NALF1: variants seen among roughly 807,000 people sequenced by gnomAD.
The protein encoded by NALF1 is family with sequence similarity 155 member A.
In NALF1, 3 loss-of-function variants were observed where a neutral mutation model predicts 48.4. The ratio of observed to expected loss-of-function variants is 0.06; its 90% CI spans 0.03 to 0.16. NALF1 has a LOEUF of 0.16. Among genes scored for constraint, NALF1 ranks in the 10% least tolerant of loss-of-function variants. The probability of loss-of-function intolerance (pLI) is 1.00; values close to 1 mark genes in which losing one functional copy is unlikely to be tolerated. For missense variants in NALF1, 526 were observed against 571.5 expected (o/e 0.92, Z 0.81); for synonymous variants, 262 against 245.7 (o/e 1.07, Z -0.62).
intron 1 of NALF1, among the ~76,000 whole-genome samples, chr13:107,761,968 G>A (rs1393389693): frequency 6.6e-6 from 1 of 152,172 alleles, no homozygotes; most frequent in Non-Finnish European, 1.5e-5. Context: ...GTAAATGTCA[G>A]TGATGGCTGC....
chr13:107,319,526 T>C (rs1274869847), intron 1 of NALF1, among the ~76,000 whole-genome samples: 1 of 152,034 alleles, frequency 6.6e-6, no homozygotes, highest in Non-Finnish European at 1.5e-5. Context: ...TAATTAGATA[T>C]GAGAAGAAAG....
chr13:107,818,132 G>C (rs1212021446), intron 1 of NALF1, among the ~76,000 whole-genome samples: 1 of 152,082 alleles, frequency 6.6e-6, no homozygotes, highest in African/African-American at 2.4e-5. Flanking sequence ...GCATCGGAGG[G>C]ACATCAACAA....
Position 107,198,064 on chromosome 13 carries a change from A to G in NALF1, c.1087+12520T>C, listed in dbSNP as rs577442160. Reference sequence around the variant, plus strand: ...CTTTCAAATGGAAGAAAATTTTCCTAGAGATAGAAAGTTTATCTGGCTAGT... The same window carrying G: ...CTTTCAAATGGAAGAAAATTTTCCTGGAGATAGAAAGTTTATCTGGCTAGT... On this transcript the variant is annotated intron_variant, in intron 2 of 2. Transcript: ENST00000375915. Among the ~76,000 whole-genome samples, 4 of 152,338 alleles carry G rather than the reference A, an allele frequency of 2.6e-5. No individual in the cohort carries two copies. In the South Asian group the frequency reaches 6.2e-4, roughly 24 times the overall value.
intron 1 of NALF1, among the ~76,000 whole-genome samples, chr13:107,587,581 CTCTTA>C (rs1482854345): frequency 6.6e-6 from 1 of 151,994 alleles, no homozygotes; most frequent in African/African-American, 2.4e-5. Flanking sequence ...TAAAAACGCA[CTCTTA>C]TAAGTGAGTC....
intron 1 of NALF1, among the ~76,000 whole-genome samples, chr13:107,385,926 C>T (rs1320878957): frequency 2.6e-5 from 4 of 152,014 alleles, no homozygotes; most frequent in Non-Finnish European, 2.9e-5. Flanking sequence ...AAAATAATAC[C>T]TCTTGGAAGA....
At chr13:107,346,810 C>G (rs952677258) in intron 1 of NALF1, among the ~76,000 whole-genome samples, 2 of 152,034 alleles carry the variant, frequency 1.3e-5, no homozygotes, top group Non-Finnish European at 2.9e-5. Context: ...TTACCCACAG[C>G]CACATGAGGA....
chr13:107,825,622 T>C (rs1213210029), intron 1 of NALF1, among the ~76,000 whole-genome samples: 5 of 152,212 alleles, frequency 3.3e-5, no homozygotes, highest in Non-Finnish European at 5.9e-5. Flanking sequence ...TAAATTCCTG[T>C]ACTTGTAGAA....
chr13:107,630,961 G>A (rs1318180522), intron 1 of NALF1, among the ~76,000 whole-genome samples: 2 of 151,992 alleles, frequency 1.3e-5, no homozygotes, highest in Non-Finnish European at 2.9e-5. Context: ...ATTCTCTTAT[G>A]TTGGAAAAAT....
At chr13:107,208,957 C>T (rs1006656910) in intron 2 of NALF1, among the ~76,000 whole-genome samples, 1 of 152,184 alleles carries the variant, frequency 6.6e-6, no homozygotes, top group African/African-American at 2.4e-5. Flanking sequence ...GAATAACACA[C>T]AGGCCTGTGA....
chr13:107,720,383 C>T (rs555401779), intron 1 of NALF1, among the ~76,000 whole-genome samples: 6 of 152,146 alleles, frequency 3.9e-5, no homozygotes, highest in South Asian at 2.1e-4. Flanking sequence ...CGGTGGCGCA[C>T]ACCTGTAGTC....
intron 1 of NALF1, among the ~76,000 whole-genome samples, chr13:107,755,910 C>T (rs1877080013): frequency 6.6e-6 from 1 of 152,114 alleles, no homozygotes; most frequent in African/African-American, 2.4e-5. Flanking sequence ...AATCTTATGG[C>T]AGTCCTTTAG....
At chr13:107,287,291 T>C (rs945557693) in intron 1 of NALF1, among the ~76,000 whole-genome samples, 2 of 152,212 alleles carry the variant, frequency 1.3e-5, no homozygotes, top group Non-Finnish European at 2.9e-5. Flanking sequence ...ATCACAAGCA[T>C]ATACAATGCC....
intron 1 of NALF1, among the ~76,000 whole-genome samples, chr13:107,687,470 A>G (rs1379766436): frequency 6.9e-6 from 1 of 145,160 alleles, no homozygotes; most frequent in East Asian, 2.0e-4. Context: ...AAAAGAAAAA[A>G]AAAAAAAGAA....
chr13:107,355,982 C>G (rs1376393396), intron 1 of NALF1, among the ~76,000 whole-genome samples: 2 of 152,128 alleles, frequency 1.3e-5, no homozygotes, highest in African/African-American at 4.8e-5. Context: ...CAAAAGAAAT[C>G]TAGGATTGTT....
chr13:107,226,938 C>G (rs764606905), intron 1 of NALF1, among the ~76,000 whole-genome samples: 2 of 152,204 alleles, frequency 1.3e-5, no homozygotes, highest in Non-Finnish European at 2.9e-5. Flanking sequence ...CACATGACTT[C>G]TATAATGACT....
chr13:107,256,321 G>C (rs554472838), intron 1 of NALF1, among the ~76,000 whole-genome samples: 2 of 152,162 alleles, frequency 1.3e-5, no homozygotes, highest in African/African-American at 4.8e-5. Context: ...CCTGTGTTCA[G>C]TGATGCCACA....
At chr13:107,605,264 T>C (rs1370666861) in intron 1 of NALF1, among the ~76,000 whole-genome samples, 3 of 152,216 alleles carry the variant, frequency 2.0e-5, no homozygotes, top group African/African-American at 7.2e-5. Flanking sequence ...AACTTGAATG[T>C]GCTTCCTTTC....
intron 1 of NALF1, among the ~76,000 whole-genome samples, chr13:107,804,806 T>A (rs1374296636): frequency 1.3e-5 from 2 of 152,132 alleles, no homozygotes; most frequent in Non-Finnish European, 2.9e-5. Context: ...TAACTCAAAT[T>A]TGTTCATTTG....
In NALF1 at chr13:107,492,197, C is replaced by A. The variant is rs1875159797; in HGVS notation, c.916-281442G>T. Among the ~76,000 whole-genome samples the A allele has an allele frequency of 2.0e-5, 3 of 151,812 alleles. No homozygotes were observed. In the South Asian group the frequency reaches 6.3e-4, roughly 32 times the overall value. On this transcript the variant is annotated intron_variant, in intron 1 of 2. Coordinates refer to ENST00000375915, the MANE Select transcript of NALF1 (RefSeq NM_001080396.3). ...TTACGAGTAGCTGGGATTACAGGCT[C>A]CCACCACCACACCCGGCTAATTTTG...
Sources: allele counts gnomAD v4.1 joint callset (sites outside exome capture counted in the v4.1 genomes callset), GRCh38; gene constraint gnomAD v4.1.1; transcripts MANE v1.5; gene names NCBI Gene and HGNC (gene_info 2026-07-23, HGNC 2026-07-21).